Variants in SEC24D observed in about 807,000 individuals in gnomAD.
SEC24D encodes the protein protein transport protein Sec24D.
In SEC24D, 69 loss-of-function variants were observed where a neutral mutation model predicts 116.9. The ratio of observed to expected loss-of-function variants is 0.59; its 90% confidence interval spans 0.49 to 0.72. SEC24D has a LOEUF of 0.72. Among genes scored for constraint, SEC24D ranks in the 30% least tolerant of loss-of-function variants. SEC24D has a pLI of 0.00. For synonymous variants in SEC24D, 405 were observed against 442.8 expected (o/e 0.91, Z 1.07); for missense variants, 1,131 against 1,264.1 (o/e 0.89, Z 1.60).
chr4:118,733,842 A>G (rs1046825029), intron 19 of SEC24D, among the ~76,000 whole-genome samples: 14 of 152,050 alleles, frequency 9.2e-5, no homozygotes, highest in South Asian at 2.1e-4. Context: ...TTTTAATTCT[A>G]CCTTCATAAT....
At chr4:118,752,306 A>AT (rs1331489482) in intron 12 of SEC24D, among the ~76,000 whole-genome samples, 1 of 152,122 alleles carries the variant, frequency 6.6e-6, no homozygotes, top group Admixed American at 6.5e-5. Context: ...CTTTGTAGAT[A>AT]TTTTTTCTAT....
chr4:118,799,772 G>A (rs1432837128), intron 7 of SEC24D, among the ~76,000 whole-genome samples: 1 of 152,174 alleles, frequency 6.6e-6, no homozygotes, highest in Non-Finnish European at 1.5e-5. Flanking sequence ...AGTTTTGGTG[G>A]AATGCTAGGG....
At chr4:118,795,819 A>G (rs1243100887) in intron 8 of SEC24D, among the ~76,000 whole-genome samples, 1 of 152,178 alleles carries the variant, frequency 6.6e-6, no homozygotes, top group East Asian at 1.9e-4. Flanking sequence ...TGGGGTGGCA[A>G]TTATGTTCTA....
At chr4:118,810,074 CTGTGTG>C (rs71595321) in intron 6 of SEC24D, among the ~76,000 whole-genome samples, 1,522 of 38,488 alleles carry the variant, frequency 0.04, 10 homozygotes, top group Non-Finnish European at 0.051. Flanking sequence ...TCAGAGGTAG[CTGTGTG>C]TGTGTGTGTG....
chr4:118,798,809 C>T (rs1729293185), intron 7 of SEC24D, among the ~76,000 whole-genome samples: 1 of 152,170 alleles, frequency 6.6e-6, no homozygotes, highest in African/African-American at 2.4e-5. Flanking sequence ...AGGAGGCAAG[C>T]GATTTACCCT....
At position 118,801,130 on chromosome 4, in the gene SEC24D, C is replaced by T. The variant is rs566859696; in HGVS notation, c.914-3320G>A. Among the ~76,000 whole-genome samples the T allele has an allele frequency of 1.2e-3, 186 of 152,084 alleles. 1 individual carries two copies. The highest frequency in any genetic ancestry group is 4.3e-3 in the African/African-American group (177 of 41,476). ...CAAAAAAATCAGCCGGGCATGGTGG[C>T]GGGCACCTGTAGTCCCAGCTACTCG... On this transcript the variant is annotated intron_variant, in intron 7 of 22. Coordinates refer to ENST00000280551, the MANE Select transcript of SEC24D (RefSeq NM_014822.4).
chr4:118,805,926 C>A lies in SEC24D; in HGVS notation c.830G>T (p.Ser277Ile). ...GGTGGCATAAACTTGTCCTCCTCTG[C>A]TGGCTCTATCATTCTCAATCACCTG... ...PIQVIENDRASRGGQVYATNT... is the reference protein window; with the variant it reads ...PIQVIENDRAIRGGQVYATNT... Residue 277 changes from serine (S) to isoleucine (I), a missense_variant, in exon 7 of 23, where the codon AGC (serine) becomes ATC (isoleucine). Transcript: ENST00000280551. The A allele has an allele frequency of 3.1e-6, 5 of 1,596,116 alleles. No individual in the cohort carries two copies. Among genetic ancestry groups the A allele is most frequent in the Non-Finnish European group, 4.3e-6 (5 of 1,172,226 alleles).
chr4:118,756,979 T>G (rs151056022), intron 11 of SEC24D, among the ~76,000 whole-genome samples: 2 of 152,320 alleles, frequency 1.3e-5, no homozygotes, highest in East Asian at 3.9e-4. Context: ...CAAATCTGGT[T>G]GTTTTTTCTC....
chr4:118,795,375 AT>A (rs5861390), intron 8 of SEC24D, among the ~76,000 whole-genome samples: 39,485 of 151,190 alleles, frequency 0.26, 6,304 homozygotes, highest in East Asian at 0.45. Context: ...TACCGGGCTA[AT>A]TTTTGTATTT....
chr4:118,810,845 C>G (rs1282453468), intron 6 of SEC24D, among the ~76,000 whole-genome samples: 1 of 151,680 alleles, frequency 6.6e-6, no homozygotes, highest in Admixed American at 6.6e-5. Flanking sequence ...TAGGACACTT[C>G]TAACACTAGG....
intron 8 of SEC24D, among the ~76,000 whole-genome samples, chr4:118,785,773 T>C (rs1174304903): frequency 1.3e-5 from 2 of 152,178 alleles, no homozygotes; most frequent in Non-Finnish European, 2.9e-5. Context: ...TTGTGGAGTC[T>C]AATTCAGTTT....
At chr4:118,735,702 T>G (rs1201623731) in intron 19 of SEC24D, 1 of 151,652 alleles carries the variant, frequency 6.6e-6, no homozygotes, top group Non-Finnish European at 1.5e-5. Context: ...TTTTTTTTTT[T>G]TTTTTTAAAG....
intron 13 of SEC24D, among the ~76,000 whole-genome samples, chr4:118,750,432 C>G (rs1439821503): frequency 6.6e-6 from 1 of 152,202 alleles, no homozygotes; most frequent in Non-Finnish European, 1.5e-5. Flanking sequence ...AGCTGGAACT[C>G]TACACTCAGA....
chr4:118,753,637 T>C (rs1297965508), intron 11 of SEC24D, among the ~76,000 whole-genome samples: 1 of 152,030 alleles, frequency 6.6e-6, no homozygotes, highest in Non-Finnish European at 1.5e-5. Context: ...AATGTTCTCG[T>C]TCCAGTCTAT....
chr4:118,750,453 C>T lies in SEC24D; in HGVS notation c.1707+1543G>A, dbSNP rs186620917. Among the ~76,000 whole-genome samples, 245 of 152,274 alleles carry T rather than the reference C, an allele frequency of 1.6e-3. 2 individuals are homozygous for T. The highest frequency in any genetic ancestry group is 5.5e-3 in the African/African-American group (230 of 41,570). ...AACTCTACACTCAGATCCTGTGGAA[C>T]CTTGGCTGTACAACTCTACTATGCT... On this transcript the variant is annotated intron_variant, in intron 13 of 22. Coordinates refer to ENST00000280551, the MANE Select transcript of SEC24D (RefSeq NM_014822.4).
intron 3 of SEC24D, among the ~76,000 whole-genome samples, chr4:118,818,639 A>G (rs114575045): frequency 0.044 from 6,651 of 152,124 alleles, 203 homozygotes; most frequent in Non-Finnish European, 0.064. Context: ...GCTCTTTTCC[A>G]CTCATACCTC....
intron 11 of SEC24D, among the ~76,000 whole-genome samples, chr4:118,754,485 A>G (rs1317459698): frequency 1.3e-5 from 2 of 152,162 alleles, no homozygotes; most frequent in Admixed American, 6.6e-5. Flanking sequence ...GGCTCTTAGC[A>G]TAAGGTACCT....
chr4:118,805,308 G>A (rs180948309), intron 7 of SEC24D, among the ~76,000 whole-genome samples: 1 of 152,146 alleles, frequency 6.6e-6, no homozygotes, highest in Non-Finnish European at 1.5e-5. Context: ...ATTTCATCGG[G>A]CTATATTCTT....
chr4:118,762,118 G>A (rs576593236), intron 10 of SEC24D, among the ~76,000 whole-genome samples: 130 of 151,218 alleles, frequency 8.6e-4, no homozygotes, highest in African/African-American at 3.0e-3. Context: ...AAAAAAAGCT[G>A]ACTTGGATGG....
Sources: allele counts gnomAD v4.1 joint callset (sites outside exome capture counted in the v4.1 genomes callset), GRCh38; gene constraint gnomAD v4.1.1; transcripts MANE v1.5; gene names NCBI Gene and HGNC (gene_info 2026-07-23, HGNC 2026-07-21).